Variants in TMEM143 observed in about 807,000 individuals in gnomAD.
TMEM143 encodes the protein transmembrane protein 143.
Under a neutral mutation model 40.3 loss-of-function variants are expected in TMEM143, and 45 were observed. The observed-to-expected ratio is 1.12, with a 90% CI of 0.88 to 1.43. The LOEUF (loss-of-function observed/expected upper bound fraction) is 1.43, where lower values mean the gene tolerates loss of function less well. TMEM143 is among the 40% of genes most tolerant of loss of function. TMEM143 has a pLI of 0.00. For missense variants in TMEM143, 620 were observed against 613.4 expected, an observed-to-expected ratio of 1.01 and a Z score of -0.11; for synonymous variants, 299 against 282.7, an observed-to-expected ratio of 1.06 and a Z score of -0.58.
At chr19:48,359,414 C>A (rs2147387797) in intron 3 of TMEM143, among the ~76,000 whole-genome samples, 1 of 152,160 alleles carries the variant, frequency 6.6e-6, no homozygotes, top group African/African-American at 2.4e-5. Flanking sequence ...AGGCTCGTTC[C>A]CCCTCTTCAC....
intron 6 of TMEM143, among the ~76,000 whole-genome samples, chr19:48,340,965 C>G (rs1309508650): frequency 1.3e-5 from 2 of 152,172 alleles, no homozygotes; most frequent in African/African-American, 2.4e-5. Flanking sequence ...TGGTCCCAAG[C>G]AGAAATTGCT....
In TMEM143 at chr19:48,363,795, A is replaced by T. The variant is rs1309206031; in HGVS notation, c.23+103T>A. On this transcript the variant is annotated intron_variant, in intron 1 of 7. Transcript: ENST00000293261. Reference sequence around the variant, plus strand: ...GGTACAACGTTTCTTTGGGGTCTAGACAGCGAGGTAGATCTTAGGAGAGCA... The same window carrying T: ...GGTACAACGTTTCTTTGGGGTCTAGTCAGCGAGGTAGATCTTAGGAGAGCA... 3 of 1,579,510 alleles carry T rather than the reference A, an allele frequency of 1.9e-6. No individual in the cohort carries two copies. The African/African-American group carries it at 4.0e-5, about 21-fold the overall frequency.
rs762123581 is a variant in TMEM143, at chr19:48,333,002, C to T, written c.*217G>A. On this transcript the variant is annotated 3_prime_UTR_variant, in exon 8 of 8. Transcript: ENST00000293261. The surrounding 1 kb of genome is among the most constrained non-coding windows in gnomAD (Gnocchi z 4.1). ...ATGGAACAGAAGCAGAGCTAAATCGCTTTGATTGGCTGTTCATCGAAGGGG... is the reference window on the plus strand; with the variant it reads ...ATGGAACAGAAGCAGAGCTAAATCGTTTTGATTGGCTGTTCATCGAAGGGG... The T allele has an allele frequency of 7.6e-6, 3 of 395,482 alleles. No individual in the cohort carries two copies. The highest frequency in any genetic ancestry group is 4.5e-6 in the Non-Finnish European group (1 of 222,222). 24.5% of individuals were successfully genotyped at this position (395,482 alleles called of 1,614,324 possible). A position where few individuals can be genotyped will look rare whatever the true frequency, so the allele number is the denominator to read the frequency against.
intron 4 of TMEM143, among the ~76,000 whole-genome samples, chr19:48,344,058 T>C (rs1324758782): frequency 6.6e-6 from 1 of 151,768 alleles, no homozygotes; most frequent in African/African-American, 2.4e-5. Context: ...GGCTAATTTT[T>C]GTATTTTTAG....
chr19:48,354,540 C>T (rs1479005891), intron 3 of TMEM143, among the ~76,000 whole-genome samples: 4 of 152,164 alleles, frequency 2.6e-5, no homozygotes, highest in Admixed American at 2.0e-4. Context: ...GCTGGAATAA[C>T]AAGCGTGAGT....
rs191703737 is a variant in TMEM143 at position 48,354,423 on chromosome 19, C to G, written c.369+5649G>C. 3.0e-3 allele frequency among the ~76,000 whole-genome samples: 460 copies of G among 152,004 alleles called. 4 individuals carry two copies. The highest frequency in any genetic ancestry group is 0.011 in the African/African-American group (437 of 41,426). ...GGGACTATAGGCACCCGCCACCACA[C>G]CCAGCTAATTTTTGTATTTTCAGTA... is the stretch of plus-strand genomic sequence containing the variant. On this transcript the variant is annotated intron_variant, in intron 3 of 7. Coordinates refer to ENST00000293261, the MANE Select transcript of TMEM143 (RefSeq NM_018273.4).
In TMEM143 at chr19:48,333,903, C is replaced by A; in HGVS notation, c.1165+105G>T. On this transcript the variant is annotated intron_variant, in intron 7 of 7. Transcript: ENST00000293261. This position sits in a 1 kb window ranked among gnomAD's most constrained non-coding sequence, Gnocchi z 4.1. ...TGAGGGCCGGGGTCTCTTCGCAAAC[C>A]CGTCAGGTTCACCCGTGGGAACTGG... The A allele has an allele frequency of 7.8e-7, 1 of 1,282,706 alleles. No homozygotes were observed. Among genetic ancestry groups the A allele is most frequent in the Non-Finnish European group, 1.0e-6 (1 of 960,348 alleles). The allele number at this position is 1,282,706 out of a possible 1,614,324, so 79.5% of individuals were successfully genotyped here. A position where few individuals can be genotyped will look rare whatever the true frequency, so the allele number is the denominator to read the frequency against.
intron 3 of TMEM143, among the ~76,000 whole-genome samples, chr19:48,346,857 C>T (rs986583753): frequency 5.3e-5 from 8 of 152,152 alleles, no homozygotes; most frequent in Non-Finnish European, 1.0e-4. Context: ...GGATTACAGG[C>T]GTGAGCCATC....
At chr19:48,342,461 C>T (rs1216757580) in intron 6 of TMEM143, 69 bp downstream of exon 6, 21 of 1,499,772 alleles carry the variant, frequency 1.4e-5, no homozygotes, top group Non-Finnish European at 1.8e-5. Flanking sequence ...GAAACAGAGA[C>T]AACTACAGGG....
chr19:48,350,490 C>T (rs1969741985), intron 3 of TMEM143, among the ~76,000 whole-genome samples: 1 of 152,142 alleles, frequency 6.6e-6, no homozygotes, highest in Admixed American at 6.6e-5. Flanking sequence ...TTAACCATCA[C>T]TGGGGAGAGC....
At chr19:48,344,331 G>C (rs1969575092) in intron 4 of TMEM143, among the ~76,000 whole-genome samples, 1 of 151,102 alleles carries the variant, frequency 6.6e-6, no homozygotes, top group Non-Finnish European at 1.5e-5. Context: ...ATCCAGGCTG[G>C]AGTGCAGTGG....
chr19:48,343,139 A>T, intron 5 of TMEM143, 182 bp downstream of exon 5: 2 of 808,078 alleles, frequency 2.5e-6, no homozygotes, highest in Non-Finnish European at 3.8e-6. Flanking sequence ...TTCCCCTGGG[A>T]ATCAAGTGTA....
At chr19:48,343,211 A>C in intron 5 of TMEM143, 110 bp downstream of exon 5, 3 of 1,404,850 alleles carry the variant, frequency 2.1e-6, no homozygotes, top group Non-Finnish European at 1.9e-6. Context: ...CCCATTTCTC[A>C]ACTTCCCGCC....
intron 3 of TMEM143, among the ~76,000 whole-genome samples, chr19:48,356,840 C>T (rs1183805410): frequency 1.4e-5 from 2 of 148,064 alleles, no homozygotes; most frequent in African/African-American, 5.0e-5. Flanking sequence ...GTGATCCGCC[C>T]GCCTCGGCCT....
chr19:48,345,872 C>A (rs1372403779), intron 3 of TMEM143, among the ~76,000 whole-genome samples: 2 of 151,568 alleles, frequency 1.3e-5, no homozygotes, highest in Non-Finnish European at 2.9e-5. Context: ...GCAACCTCCA[C>A]CTCCTGGGTT....
At chr19:48,353,310 G>C (rs1369972113) in intron 3 of TMEM143, among the ~76,000 whole-genome samples, 2 of 151,556 alleles carry the variant, frequency 1.3e-5, no homozygotes, top group African/African-American at 4.9e-5. Context: ...CTCCACAGTA[G>C]CTGGGATTAC....
chr19:48,359,391 C>T (rs1315195872), intron 3 of TMEM143, among the ~76,000 whole-genome samples: 1 of 152,044 alleles, frequency 6.6e-6, no homozygotes, highest in African/African-American at 2.4e-5. Context: ...ACATCCTCCC[C>T]CAGGCATTCA....
At chr19:48,363,182 A>C in intron 2 of TMEM143, 109 bp downstream of exon 2, 1 of 1,439,800 alleles carries the variant, frequency 6.9e-7, no homozygotes, top group East Asian at 2.4e-5. Flanking sequence ...CGGGAACTAC[A>C]ACTCCCAGGA....
At chr19:48,360,397 G>A (rs1168086604) in intron 2 of TMEM143, 2 of 457,808 alleles carry the variant, frequency 4.4e-6, no homozygotes, top group Admixed American at 3.7e-5. Flanking sequence ...GGCCAACATG[G>A]TGAAATCCTG....
Sources: gnomAD v4.1 joint callset for allele counts (sites outside exome capture counted in the v4.1 genomes callset) on GRCh38, gnomAD v4.1.1 for gene constraint, Gnocchi (gnomAD v3.1) non-coding constraint, MANE v1.5 for transcripts, NCBI Gene and HGNC (gene_info 2026-07-23, HGNC 2026-07-21) for gene names.